Variants in CZIB observed in about 807,000 individuals in gnomAD.
CZIB encodes UPF0587 protein C1orf123.
Under a neutral mutation model 28.3 loss-of-function variants are expected in CZIB, and 26 were observed. The ratio of observed to expected loss-of-function variants is 0.92; its 90% CI spans 0.67 to 1.27. CZIB has a LOEUF of 1.27. CZIB is among the 50% of genes most tolerant of loss of function. The pLI is 0.00. For synonymous variants in CZIB, 78 were observed against 71.1 expected (o/e 1.10, Z -0.49); for missense variants, 179 against 197.3 (o/e 0.91, Z 0.56).
chr1:53,220,208 C>G, intron 2 of CZIB, 53 bp downstream of exon 2: 1 of 1,485,278 alleles, frequency 6.7e-7, no homozygotes, highest in Admixed American at 1.8e-5. Flanking sequence ...GGCTCCGGTT[C>G]AGCACTGAGA....
At chr1:53,220,379 T>C (rs777029427) in intron 1 of CZIB, 35 bp from the exon 2 acceptor site, 89 of 1,604,830 alleles carry the variant, frequency 5.5e-5, no homozygotes, top group Non-Finnish European at 7.5e-5. Context: ...GCGTCAGCCG[T>C]GCCTGCGCAG....
At chr1:53,219,006 C>A in intron 2 of CZIB, 83 bp from the exon 3 acceptor site, 2 of 1,214,454 alleles carry the variant, frequency 1.6e-6, no homozygotes, top group Non-Finnish European at 2.4e-6. Context: ...GGGAGGTGGG[C>A]AGGCTCATGA....
intron 7 of CZIB, 90 bp downstream of exon 7, chr1:53,215,901 G>T: frequency 7.5e-7 from 1 of 1,332,834 alleles, no homozygotes; most frequent in Non-Finnish European, 1.1e-6. Context: ...AAAATACAGA[G>T]TTGGCTTTCC....
At chr1:53,218,963 C>G in intron 2 of CZIB, 40 bp from the exon 3 acceptor site, 1 of 1,557,632 alleles carries the variant, frequency 6.4e-7, no homozygotes, top group Non-Finnish European at 8.9e-7. Flanking sequence ...GCTGGCTCTG[C>G]TGCACAGACA....
intron 7 of CZIB, among the ~76,000 whole-genome samples, chr1:53,215,325 G>A (rs1186581213): frequency 1.3e-5 from 2 of 152,238 alleles, no homozygotes; most frequent in East Asian, 1.9e-4. Flanking sequence ...GGGCGACAGA[G>A]TGAGATTGTC....
intron 3 of CZIB, 151 bp downstream of exon 3, chr1:53,218,716 G>A (rs1645490686): frequency 1.2e-6 from 1 of 847,014 alleles, no homozygotes; most frequent in African/African-American, 1.7e-5. Flanking sequence ...ATTGAATCCA[G>A]TGCTGATCAC....
At chr1:53,216,637 AC>A (rs1645475740) in intron 6 of CZIB, 144 bp downstream of exon 6, 1 of 710,218 alleles carries the variant, frequency 1.4e-6, no homozygotes, top group Admixed American at 2.6e-5. Flanking sequence ...GCCCAAGCAT[AC>A]AGCAGCCACT....
At chr1:53,214,964 C>A (rs1645460737) in intron 7 of CZIB, among the ~76,000 whole-genome samples, 1 of 152,016 alleles carries the variant, frequency 6.6e-6, no homozygotes, top group Admixed American at 6.6e-5. Flanking sequence ...GTCCTGTCTT[C>A]TATTTAAAAA....
At chr1:53,218,964 T>G in intron 2 of CZIB, 41 bp from the exon 3 acceptor site, 1 of 1,554,694 alleles carries the variant, frequency 6.4e-7, no homozygotes, top group Non-Finnish European at 8.9e-7. Context: ...CTGGCTCTGC[T>G]GCACAGACAC....
chr1:53,220,022 T>C (rs1211659055), intron 2 of CZIB: 3 of 515,210 alleles, frequency 5.8e-6, no homozygotes, highest in African/African-American at 2.0e-5. Context: ...TTAGTGTCCA[T>C]TTACAGACCA....
intron 6 of CZIB, among the ~76,000 whole-genome samples, chr1:53,216,521 T>C (rs991763810): frequency 9.2e-5 from 14 of 152,176 alleles, no homozygotes; most frequent in African/African-American, 3.4e-4. Flanking sequence ...CTGAGCAAGT[T>C]GCAAAATCTC....
At chr1:53,219,653 A>G (rs1206672587) in intron 2 of CZIB, 1 of 152,604 alleles carries the variant, frequency 6.6e-6, no homozygotes, top group Admixed American at 6.5e-5. Context: ...GATTCTCCCA[A>G]GTAAGCCCTG....
chr1:53,220,499 G>A (rs1005949053), intron 1 of CZIB, 71 bp downstream of exon 1: 32 of 1,597,144 alleles, frequency 2.0e-5, no homozygotes, highest in East Asian at 1.8e-4. Context: ...TCTCCTCCTG[G>A]CGCGAGCTGT....
Position 53,218,163 on chromosome 1 carries a change from C to A in CZIB, c.261+9G>T. ...CCCACCATCCCTGCCACTACAGCAG[C>A]AAACTTACATTGTAAGGCTTGATGG... On this transcript the variant is annotated intron_variant, in intron 5 of 7. Coordinates refer to ENST00000294360, the MANE Select transcript of CZIB (RefSeq NM_017887.3). 1 of 1,614,012 alleles carries A rather than the reference C, an allele frequency of 6.2e-7. No homozygotes were observed. Among genetic ancestry groups the A allele is most frequent in the Non-Finnish European group, 8.5e-7 (1 of 1,179,898 alleles).
rs143898173 is a variant in CZIB at position 53,218,615 on chromosome 1, T to G, written c.148-120A>C. On this transcript the variant is annotated intron_variant, in intron 3 of 7. Coordinates refer to ENST00000294360, the MANE Select transcript of CZIB (RefSeq NM_017887.3). ...CCAAGACCCAGAAAGGGTAACTTAC[T>G]AGGACAAGACTCCTGGGAAGGCTTC... 3 of 1,068,790 alleles carry G rather than the reference T, an allele frequency of 2.8e-6. No homozygotes were observed. The African/African-American group carries it at 4.8e-5, about 17-fold the overall frequency. 66.2% of individuals were successfully genotyped at this position (1,068,790 alleles called of 1,614,324 possible).
chr1:53,216,788 C>A lies in CZIB; in HGVS notation c.333G>T (p.Gln111His), dbSNP rs886693233. The change falls in exon 6 of 8, where the codon CAG becomes CAT. Residue 111 changes from glutamine to histidine, a missense_variant. Physicochemically the swap from Gln to His is conservative, Grantham distance 24. Transcript: ENST00000294360. ...ECRGLEPVDFQPQAGFAAEGV... is the reference protein window; with the variant it reads ...ECRGLEPVDFHPQAGFAAEGV... ...CAGAAAGATACACACACACCTGCGG[C>A]TGGAAATCAACTGGTTCAAGGCCCC... 3 of 1,614,056 alleles carry A rather than the reference C, an allele frequency of 1.9e-6. No homozygotes were observed. The highest frequency in any genetic ancestry group is 2.5e-6 in the Non-Finnish European group (3 of 1,179,904).
chr1:53,214,617 G>C lies in CZIB; in HGVS notation c.*42C>G. The C allele has an allele frequency of 6.4e-6, 10 of 1,562,566 alleles. No homozygotes were observed. Among genetic ancestry groups the C allele is most frequent in the Non-Finnish European group, 8.8e-6 (10 of 1,134,330 alleles). The stretch of plus-strand genomic sequence containing the variant: ...TGGGCTCTGCTGCTTAGAGTACTTT[G>C]TCCTTTCTCAGTTCTTAAGGGCAAC... On this transcript the variant is annotated 3_prime_UTR_variant, in exon 8 of 8. Transcript: ENST00000294360.
chr1:53,215,078 G>T (rs1158843287), intron 7 of CZIB, among the ~76,000 whole-genome samples: 3 of 152,234 alleles, frequency 2.0e-5, no homozygotes, highest in African/African-American at 7.2e-5. Flanking sequence ...GGTGGCTCAT[G>T]CCTGTAATCC....
chr1:53,218,466 G>T lies in CZIB; in HGVS notation c.177C>A (p.Gly59=). The change falls in exon 4 of 8, where the codon GGC becomes GGA. Residue 59 remains glycine, a synonymous_variant. Coordinates refer to ENST00000294360, the MANE Select transcript of CZIB (RefSeq NM_017887.3). The part of the protein sequence containing the change: ...MDSVALKGGR[G]SASMVQKCKL... ...TGCACTTCTGGACCATGGAAGCACT[G>T]CCACGGCCCCCCTTCAGTGCCACAC... 6.2e-7 allele frequency: 1 copy of T among 1,614,194 alleles called. No homozygotes were observed. The highest frequency in any genetic ancestry group is 2.2e-5 in the East Asian group (1 of 44,884).
Sources: gnomAD v4.1 joint callset for allele counts (sites outside exome capture counted in the v4.1 genomes callset) on GRCh38, gnomAD v4.1.1 for gene constraint, MANE v1.5 for transcripts, NCBI Gene and HGNC (gene_info 2026-07-23, HGNC 2026-07-21) for gene names.